The following PAXIP1 variants were observed in gnomAD, a reference collection of about 807,000 sequenced individuals.
The protein encoded by PAXIP1 is PAX-interacting protein 1.
In PAXIP1, 19 loss-of-function variants were observed where a neutral mutation model predicts 140.6. The ratio of observed to expected loss-of-function variants is 0.14; its 90% CI spans 0.09 to 0.20. The LOEUF is 0.20. Ranked by LOEUF, PAXIP1 falls within the 10% of genes least tolerant of loss-of-function variation. PAXIP1 has a pLI of 1.00. For synonymous variants in PAXIP1, 442 were observed against 444.6 expected (o/e 0.99, Z 0.07); for missense variants, 920 against 1,208.6 (o/e 0.76, Z 3.54).
intron 20 of PAXIP1, 39 bp from the exon 21 acceptor site, chr7:154,944,203 AAAAG>A: frequency 6.3e-7 from 1 of 1,581,778 alleles, no homozygotes. Flanking sequence ...AACACAAGGC[AAAAG>A]AAAAACATGA....
At chr7:155,001,960 G>A (rs1036233474) in intron 1 of PAXIP1, 3 of 152,250 alleles carry the variant, frequency 2.0e-5, no homozygotes, top group East Asian at 3.9e-4. Flanking sequence ...TCTGATCACT[G>A]GGGATCCCCA....
intron 2 of PAXIP1, among the ~76,000 whole-genome samples, chr7:154,995,730 G>C (rs1310537074): frequency 6.6e-6 from 1 of 152,052 alleles, no homozygotes; most frequent in African/African-American, 2.4e-5. Context: ...CACGCCTGTA[G>C]TCCCAGCTAC....
rs991049015 is a variant in PAXIP1 at position 154,967,625 on chromosome 7, C to G, written c.1893+191G>C. 9.1e-6 allele frequency: 5 copies of G among 551,240 alleles called. No homozygotes were observed. In the Admixed American group the frequency reaches 1.4e-4, roughly 16 times the overall value. The allele number at this position is 551,240 out of a possible 1,614,324, so 34.1% of individuals were successfully genotyped here. On this transcript the variant is annotated intron_variant, in intron 8 of 20. Coordinates refer to ENST00000404141, the MANE Select transcript of PAXIP1 (RefSeq NM_007349.4). ...TAAAAAGTCCACCATCTTCATCTAACAGCTGAGAAAACTGATGCCCAGAAA... is the reference window on the plus strand; with the variant it reads ...TAAAAAGTCCACCATCTTCATCTAAGAGCTGAGAAAACTGATGCCCAGAAA...
chr7:154,982,118 G>A (rs1289156182), intron 5 of PAXIP1, among the ~76,000 whole-genome samples: 2 of 152,124 alleles, frequency 1.3e-5, no homozygotes, highest in African/African-American at 4.8e-5. Flanking sequence ...CAACATTAAT[G>A]TAAAAAGAAC....
intron 2 of PAXIP1, among the ~76,000 whole-genome samples, chr7:154,997,900 T>G (rs1344383636): frequency 6.6e-6 from 1 of 152,210 alleles, no homozygotes; most frequent in Non-Finnish European, 1.5e-5. Context: ...GGATGGAAAG[T>G]AACCCTGTCC....
Position 155,002,802 on chromosome 7 carries a change from G to A in PAXIP1, c.81+47C>T, listed in dbSNP as rs752959207. On this transcript the variant is annotated intron_variant, in intron 1 of 20. Coordinates refer to ENST00000404141, the MANE Select transcript of PAXIP1 (RefSeq NM_007349.4). ...GACGGGGACGGGGACGGGGACGGAC[G>A]GGGACGCGGACGGGGGAGGAGGCCG... 3.5e-6 allele frequency: 4 copies of A among 1,127,996 alleles called. No individual in the cohort carries two copies. In the African/African-American group the frequency reaches 4.9e-5, roughly 14 times the overall value. The allele number at this position is 1,127,996 out of a possible 1,614,324, so 69.9% of individuals were successfully genotyped here.
chr7:154,945,765 G>A (rs1414501988), intron 20 of PAXIP1: 1 of 985,002 alleles, frequency 1.0e-6, no homozygotes, highest in Non-Finnish European at 1.2e-6. Flanking sequence ...CTGATAGGCT[G>A]TTCCTACATT....
At chr7:154,979,491 C>G (rs1809743183) in intron 5 of PAXIP1, among the ~76,000 whole-genome samples, 1 of 151,882 alleles carries the variant, frequency 6.6e-6, no homozygotes, top group African/African-American at 2.4e-5. Context: ...ATTAGGTTTA[C>G]AAATTTATGT....
In PAXIP1 at chr7:154,968,634, G is replaced by A. The variant is rs901813984; in HGVS notation, c.1567C>T (p.Leu523=). ...TGCTGTTGCTGCTGCTGCTGGAGCA[G>A]GCTGTGCTGCTGCTGGAGCTGGGCA... The part of the protein sequence containing the change: ...QLAQLQQQHS[L]LQQQQQQQIQ... Residue 523 remains leucine (L), a synonymous_variant, in exon 7 of 21, where the codon CTG becomes TTG. Transcript: ENST00000404141. 2.8e-6 allele frequency: 2 copies of A among 714,696 alleles called. No individual in the cohort carries two copies. Among genetic ancestry groups the A allele is most frequent in the African/African-American group, 1.8e-5 (1 of 57,074 alleles). The allele number at this position is 714,696 out of a possible 1,614,324, so 44.3% of individuals were successfully genotyped here. A position where few individuals can be genotyped will look rare whatever the true frequency, so the allele number is the denominator to read the frequency against.
chr7:154,964,685 G>A (rs1305913482), intron 8 of PAXIP1: 1 of 152,048 alleles, frequency 6.6e-6, no homozygotes, highest in Non-Finnish European at 1.5e-5. Context: ...TCCTACTGTG[G>A]ACACCGTTCC....
At chr7:154,972,650 T>C (rs750387746) in intron 6 of PAXIP1, among the ~76,000 whole-genome samples, 3 of 152,248 alleles carry the variant, frequency 2.0e-5, no homozygotes, top group Non-Finnish European at 4.4e-5. Flanking sequence ...AGTGAGAAAG[T>C]AGCCATTTCT....
chr7:154,957,562 A>C (rs1808573108), intron 13 of PAXIP1, among the ~76,000 whole-genome samples: 1 of 152,138 alleles, frequency 6.6e-6, no homozygotes, highest in Non-Finnish European at 1.5e-5. Flanking sequence ...TCAGTACTTT[A>C]AATTATCTTT....
At chr7:154,966,677 C>T (rs1455712163) in intron 8 of PAXIP1, among the ~76,000 whole-genome samples, 1 of 152,200 alleles carries the variant, frequency 6.6e-6, no homozygotes, top group Non-Finnish European at 1.5e-5. Context: ...TGCTCCCTTC[C>T]TTCCTCACCC....
intron 7 of PAXIP1, 143 bp from the exon 8 acceptor site, chr7:154,968,053 T>A: frequency 1.6e-6 from 1 of 615,498 alleles, no homozygotes; most frequent in Non-Finnish European, 2.8e-6. Context: ...TCAGAGTGCA[T>A]AGGGAATATT....
At chr7:154,967,723 G>T in intron 8 of PAXIP1, 93 bp downstream of exon 8, 1 of 818,168 alleles carries the variant, frequency 1.2e-6, no homozygotes, top group Non-Finnish European at 2.0e-6. Flanking sequence ...TGCAGGTGCA[G>T]CTCAGTGAAT....
At chr7:154,959,631 C>T (rs1204814922) in intron 13 of PAXIP1, among the ~76,000 whole-genome samples, 2 of 152,126 alleles carry the variant, frequency 1.3e-5, no homozygotes, top group Admixed American at 6.5e-5. Flanking sequence ...GAAAACATTC[C>T]CCTCATCAAG....
In PAXIP1 at chr7:154,943,974, C is replaced by T; in HGVS notation, c.*175G>A. ...TTTATGTTTCCTCAGAATAAAATTG[C>T]ACATCTTAAAAAGATGCAGTATATT... On this transcript the variant is annotated 3_prime_UTR_variant, in exon 21 of 21. Coordinates refer to ENST00000404141, the MANE Select transcript of PAXIP1 (RefSeq NM_007349.4). 1 of 662,116 alleles carries T rather than the reference C, an allele frequency of 1.5e-6. No homozygotes were observed. The highest frequency in any genetic ancestry group is 2.8e-6 in the Non-Finnish European group (1 of 351,910). 41.0% of individuals were successfully genotyped at this position (662,116 alleles called of 1,614,324 possible). A position where few individuals can be genotyped will look rare whatever the true frequency, so the allele number is the denominator to read the frequency against.
intron 14 of PAXIP1, 140 bp from the exon 15 acceptor site, chr7:154,955,771 A>T: frequency 1.9e-6 from 1 of 533,328 alleles, no homozygotes; most frequent in Middle Eastern, 4.9e-4. Context: ...AAATACAATG[A>T]GCTATCTGTC....
At chr7:154,998,282 C>A (rs894258180) in intron 2 of PAXIP1, among the ~76,000 whole-genome samples, 4 of 152,046 alleles carry the variant, frequency 2.6e-5, no homozygotes, top group African/African-American at 4.8e-5. Flanking sequence ...CTGAGGCAGG[C>A]GGATCACCTG....
Sources: gnomAD v4.1 joint callset for allele counts (sites outside exome capture counted in the v4.1 genomes callset) on GRCh38, gnomAD v4.1.1 for gene constraint, MANE v1.5 for transcripts, NCBI Gene and HGNC (gene_info 2026-07-23, HGNC 2026-07-21) for gene names.